Variants in KDM5A observed in about 807,000 individuals in gnomAD.
KDM5A encodes the protein lysine-specific demethylase 5A.
KDM5A carries 42 observed loss-of-function variants against 193.5 expected under a neutral mutation model. The ratio of observed to expected loss-of-function variants is 0.22; its 90% CI spans 0.17 to 0.28. KDM5A has a LOEUF of 0.28. KDM5A is among the 10% of genes least tolerant of loss of function. The pLI is 1.00. For missense variants in KDM5A, 1,692 were observed against 2,055.1 expected (o/e 0.82, Z 3.42); for synonymous variants, 796 against 718.1 (o/e 1.11, Z -1.73).
In KDM5A at chr12:331,931, C is replaced by T. The variant is rs1400601157; in HGVS notation, c.1661G>A (p.Arg554Lys). The T allele has an allele frequency of 2.5e-6, 4 of 1,613,854 alleles. No homozygotes were observed. Among genetic ancestry groups the T allele is most frequent in the Non-Finnish European group, 3.4e-6 (4 of 1,179,844 alleles). The change falls in exon 13 of 28, where the codon AGG becomes AAG. Residue 554 changes from arginine to lysine, a missense_variant. By Grantham distance (26) the Arg-to-Lys change is conservative. This residue lies in a region of KDM5A where 172 missense variants were observed against 260.3 expected (regional missense o/e 0.66). Coordinates refer to ENST00000399788, the MANE Select transcript of KDM5A (RefSeq NM_001042603.3). Reference sequence around the variant, plus strand: ...AAACTCGCCAGCACACTGATTGGTCCTGTACACCTAAATGCAAATTGGGAA... The same window carrying T: ...AAACTCGCCAGCACACTGATTGGTCTTGTACACCTAAATGCAAATTGGGAA... ...VLMEHGVPVY[R>K]TNQCAGEFVV...
At chr12:325,356 G>A (rs1044752351) in intron 14 of KDM5A, among the ~76,000 whole-genome samples, 5 of 152,154 alleles carry the variant, frequency 3.3e-5, no homozygotes, top group Non-Finnish European at 5.9e-5. Flanking sequence ...TGTACTCCAA[G>A]GATCGGATCC....
rs1299254947 is a variant in KDM5A, at chr12:323,710, TCTGCATGCTGAACAC to T, written c.2025_2039del (p.Cys676_Arg680del). 1 of 1,614,046 alleles carries T rather than the reference TCTGCATGCTGAACAC, an allele frequency of 6.2e-7. No homozygotes were observed. The highest frequency in any genetic ancestry group is 1.3e-5 in the African/African-American group (1 of 74,934). The stretch of plus-strand genomic sequence containing the variant: ...TGAGAGCAGAGAGAAAACATGTGGT[TCTGCATGCTGAACAC>T]TGCCGCTCATCATCAGGAACAAGTT... On this transcript the variant is annotated inframe_deletion, in exon 15 of 28. Transcript: ENST00000399788.
intron 10 of KDM5A, among the ~76,000 whole-genome samples, chr12:346,622 C>T (rs549599194): frequency 2.0e-5 from 3 of 152,236 alleles, no homozygotes; most frequent in South Asian, 4.2e-4. Context: ...ATACTCAAAT[C>T]GATAAACGTA....
Position 306,874 on chromosome 12 carries a change from C to CA in KDM5A, c.4074+71dup, listed in dbSNP as rs1158283411. On this transcript the variant is annotated intron_variant, in intron 24 of 27. Coordinates refer to ENST00000399788, the MANE Select transcript of KDM5A (RefSeq NM_001042603.3). Reference sequence around the variant, plus strand: ...CTTTCAGGCCTCAAACATCACTGTTCAATAGCTTTTTTTTTTTTTAAACAA... The same window carrying CA: ...CTTTCAGGCCTCAAACATCACTGTTCAAATAGCTTTTTTTTTTTTTAAACAA... 5.9e-6 allele frequency: 8 copies of CA among 1,351,334 alleles called. No homozygotes were observed. The African/African-American group carries it at 1.0e-4, about 17-fold the overall frequency. The allele number at this position is 1,351,334 out of a possible 1,614,324, so 83.7% of individuals were successfully genotyped here.
intron 3 of KDM5A, among the ~76,000 whole-genome samples, chr12:369,826 T>A (rs76263587): frequency 0.017 from 2,534 of 152,290 alleles, 37 homozygotes; most frequent in Non-Finnish European, 0.027. Flanking sequence ...TCTGACATAA[T>A]AATCTGCTTT....
intron 1 of KDM5A, among the ~76,000 whole-genome samples, chr12:387,692 G>A (rs571262562): frequency 1.3e-5 from 2 of 152,126 alleles, no homozygotes; most frequent in South Asian, 4.1e-4. Context: ...TCACACATTT[G>A]GTGTTTTAAC....
Position 308,122 on chromosome 12 carries a change from A to C in KDM5A, c.3379-117T>G, listed in dbSNP as rs1318471254. The stretch of plus-strand genomic sequence containing the variant: ...TTATCAGTTATAAACAGTTTCCTAA[A>C]ATGTGGGGCCCCTGGCGGTTTCCAT... On this transcript the variant is annotated intron_variant, in intron 22 of 27. Coordinates refer to ENST00000399788, the MANE Select transcript of KDM5A (RefSeq NM_001042603.3). 7.6e-6 allele frequency: 9 copies of C among 1,191,558 alleles called. No homozygotes were observed. The Admixed American group carries it at 1.8e-4, about 23-fold the overall frequency. 73.8% of individuals were successfully genotyped at this position (1,191,558 alleles called of 1,614,324 possible). A position where few individuals can be genotyped will look rare whatever the true frequency, so the allele number is the denominator to read the frequency against.
rs748496699 is a variant in KDM5A, at chr12:318,298, C to T, written c.2705G>A (p.Arg902Gln). Residue 902 changes from arginine to glutamine, a missense_variant, in exon 19 of 28, where the codon CGG (arginine) becomes CAG (glutamine). By Grantham distance (43) the Arg-to-Gln change is conservative. Coordinates refer to ENST00000399788, the MANE Select transcript of KDM5A (RefSeq NM_001042603.3). ...GGTCAGTCTTACTTCGTCCAACCAC[C>T]GAGCCTGTTGTAGCTCTTGCTTCAG... ...PRLKQELQQA[R>Q]WLDEVRLTLS... 11 of 1,614,152 alleles carry T rather than the reference C, an allele frequency of 6.8e-6. No homozygotes were observed. The highest frequency in any genetic ancestry group is 2.2e-5 in the South Asian group (2 of 91,076).
At chr12:372,916 C>G (rs1944449572) in intron 3 of KDM5A, among the ~76,000 whole-genome samples, 1 of 152,166 alleles carries the variant, frequency 6.6e-6, no homozygotes, top group Non-Finnish European at 1.5e-5. Flanking sequence ...GTATATTGAA[C>G]CAGTCTTGCA....
chr12:368,109 G>C (rs1450931436), intron 3 of KDM5A, among the ~76,000 whole-genome samples: 1 of 152,128 alleles, frequency 6.6e-6, no homozygotes, highest in Non-Finnish European at 1.5e-5. Flanking sequence ...AGAAAGTTCT[G>C]ATACATCCCA....
intron 3 of KDM5A, among the ~76,000 whole-genome samples, chr12:373,506 TTTG>T (rs1167084226): frequency 1.3e-5 from 2 of 152,178 alleles, no homozygotes; most frequent in Non-Finnish European, 2.9e-5. Context: ...GTCTATCAAT[TTTG>T]TTGATCTTTT....
chr12:342,189 T>C (rs1944014432), intron 10 of KDM5A, among the ~76,000 whole-genome samples: 1 of 152,228 alleles, frequency 6.6e-6, no homozygotes. Flanking sequence ...GCTATACTTT[T>C]ATTTATATAT....
chr12:359,855 A>T (rs1456836522), intron 5 of KDM5A, among the ~76,000 whole-genome samples: 1 of 150,996 alleles, frequency 6.6e-6, no homozygotes, highest in African/African-American at 2.4e-5. Context: ...GGAGGGAGGG[A>T]GGAAACAAGG....
chr12:325,685 T>TAA (rs1260631360), intron 14 of KDM5A, among the ~76,000 whole-genome samples: 1 of 149,316 alleles, frequency 6.7e-6, no homozygotes, highest in Non-Finnish European at 1.5e-5. Context: ...AATAAATAAA[T>TAA]AAAACAAAAC....
intron 17 of KDM5A, 70 bp downstream of exon 17, chr12:322,347 G>C (rs2137409161): frequency 6.9e-7 from 1 of 1,454,056 alleles, no homozygotes; most frequent in Non-Finnish European, 9.5e-7. Flanking sequence ...TCACAGGCCG[G>C]ATAAAATTTT....
chr12:305,644 T>C (rs954314305), intron 24 of KDM5A, among the ~76,000 whole-genome samples: 8 of 152,196 alleles, frequency 5.3e-5, no homozygotes, highest in African/African-American at 1.7e-4. Flanking sequence ...AGTCAATGGA[T>C]TGACTGTAAT....
intron 4 of KDM5A, among the ~76,000 whole-genome samples, chr12:363,901 GACAA>G (rs896377399): frequency 3.3e-5 from 5 of 151,764 alleles, no homozygotes; most frequent in Non-Finnish European, 5.9e-5. Context: ...ACAAGTATAA[GACAA>G]ACAACCCAAT....
Position 307,986 on chromosome 12 carries a change from C to T in KDM5A, c.3398G>A (p.Arg1133Gln), listed in dbSNP as rs2137390009. ...TAMVVAVFKE[R>Q]EQKEIEAMHS... The stretch of plus-strand genomic sequence containing the variant: ...CATGGCTTCAATCTCTTTTTGCTCC[C>T]GTTCTTTGAAAACTGCCACCTGTAC... Residue 1133 changes from arginine (R) to glutamine (Q), a missense_variant, in exon 23 of 28, where the codon CGG (arginine) becomes CAG (glutamine). By Grantham distance (43) the Arg-to-Gln change is conservative. Coordinates refer to ENST00000399788, the MANE Select transcript of KDM5A (RefSeq NM_001042603.3). The surrounding 1 kb of genome is among the most constrained non-coding windows in gnomAD (Gnocchi z 4.3). The T allele has an allele frequency of 3.1e-6, 5 of 1,614,052 alleles. No homozygotes were observed. The Middle Eastern group carries it at 4.9e-4, about 160-fold the overall frequency.
At chr12:388,545 G>C (rs1353072268) in intron 1 of KDM5A, 2 of 364,728 alleles carry the variant, frequency 5.5e-6, no homozygotes, top group East Asian at 1.4e-4. Flanking sequence ...GCAAATATTT[G>C]ATCCAACCAG....
Sources: gnomAD v4.1 joint callset for allele counts (sites outside exome capture counted in the v4.1 genomes callset) on GRCh38, gnomAD v4.1.1 for gene constraint, gnomAD v4.1.1 regional missense constraint, Gnocchi (gnomAD v3.1) non-coding constraint, MANE v1.5 for transcripts, NCBI Gene and HGNC (gene_info 2026-07-23, HGNC 2026-07-21) for gene names.